MIA3: variants seen among roughly 807,000 people sequenced by gnomAD.
The protein encoded by MIA3 is transport and Golgi organization protein 1 homolog.
Under a neutral mutation model 192.4 loss-of-function variants are expected in MIA3, and 90 were observed. That is an observed-to-expected ratio of 0.47 (90% CI 0.39 to 0.56). The LOEUF is 0.56. Among genes scored for constraint, MIA3 ranks in the 20% least tolerant of loss-of-function variants. The pLI, the probability that MIA3 is intolerant of heterozygous loss-of-function variation, is 0.00. For missense variants in MIA3, 2,123 were observed against 2,269.4 expected (o/e 0.94, Z 1.31); for synonymous variants, 740 against 792.8 (o/e 0.93, Z 1.12).
chr1:222,650,092 G>C, intron 8 of MIA3, 200 bp from the exon 9 acceptor site: 1 of 570,044 alleles, frequency 1.8e-6, no homozygotes, highest in African/African-American at 1.9e-5. Context: ...GGCCCCACCT[G>C]AACACTGGGT....
intron 6 of MIA3, among the ~76,000 whole-genome samples, chr1:222,640,080 T>G (rs1352291679): frequency 2.0e-5 from 3 of 152,114 alleles, no homozygotes; most frequent in Non-Finnish European, 4.4e-5. Context: ...GAAGTTAAAT[T>G]CCATGTACAA....
intron 11 of MIA3, among the ~76,000 whole-genome samples, chr1:222,651,150 A>T (rs1663410147): frequency 6.6e-6 from 1 of 151,514 alleles, no homozygotes; most frequent in Non-Finnish European, 1.5e-5. Flanking sequence ...GCCCTCCGAA[A>T]CATGTGGAAC....
intron 6 of MIA3, among the ~76,000 whole-genome samples, chr1:222,643,442 A>G (rs917265046): frequency 2.6e-5 from 4 of 151,692 alleles, no homozygotes; most frequent in Non-Finnish European, 5.9e-5. Flanking sequence ...CACACCCTTC[A>G]CTGCTCTTCT....
chr1:222,647,990 G>A, intron 7 of MIA3: 1 of 333,156 alleles, frequency 3.0e-6, no homozygotes, highest in Non-Finnish European at 6.4e-6. Flanking sequence ...TGGATGATTT[G>A]TGGACTGGTG....
intron 27 of MIA3, 78 bp from the exon 28 acceptor site, chr1:222,665,231 A>G (rs1008194648): frequency 9.5e-6 from 8 of 843,798 alleles, no homozygotes; most frequent in African/African-American, 5.2e-5. Flanking sequence ...AGGATGACAG[A>G]CTATATTAAC....
chr1:222,662,437 C>T (rs1350399677), intron 26 of MIA3, 105 bp downstream of exon 26: 5 of 1,569,908 alleles, frequency 3.2e-6, no homozygotes, highest in Non-Finnish European at 4.3e-6. Context: ...TCTGTACTAT[C>T]TCATTTATTT....
At position 222,665,570 on chromosome 1, in the gene MIA3, C is replaced by G. The variant is rs368420789; in HGVS notation, c.5675C>G (p.Ser1892Cys). 16 of 1,613,852 alleles carry G rather than the reference C, an allele frequency of 9.9e-6. No homozygotes were observed. The highest frequency in any genetic ancestry group is 2.7e-5 in the African/African-American group (2 of 74,914). Reference protein sequence around the residue: ...SGSRDEPPPASQSTSQDCSQA... With the variant: ...SGSRDEPPPACQSTSQDCSQA... The stretch of plus-strand genomic sequence containing the variant: ...TCTAGAGATGAGCCTCCACCTGCCT[C>G]TCAGAGCACTAGCCAGGACTGTTCA... Residue 1892 changes from serine to cysteine, a missense_variant, in exon 28 of 28, where the codon TCT (serine) becomes TGT (cysteine). Coordinates refer to ENST00000344922, the MANE Select transcript of MIA3 (RefSeq NM_198551.4).
Position 222,662,131 on chromosome 1 carries a change from G to A in MIA3, c.5182+7G>A. ...GGGAAACCCTCTCCTTCTGGTAAGG[G>A]AGCAAGAGTGTTCAAAGAGTCTAAA... is the stretch of plus-strand genomic sequence containing the variant. On this transcript the variant is annotated splice_region_variant and intron_variant, in intron 25 of 27. Coordinates refer to ENST00000344922, the MANE Select transcript of MIA3 (RefSeq NM_198551.4). The A allele has an allele frequency of 6.2e-7, 1 of 1,613,806 alleles. No homozygotes were observed. The highest frequency in any genetic ancestry group is 8.5e-7 in the Non-Finnish European group (1 of 1,179,740).
rs374886945 is a variant in MIA3 at position 222,628,199 on chromosome 1, G to A, written c.979G>A (p.Glu327Lys). ...TGAGGAGAACCAAGAAGACTTTGAT[G>A]AGTTGCCATTACTTACCTTTACAGA... ...EDEENQEDFD[E>K]LPLLTFTDGE... The change falls in exon 4 of 28, where the codon GAG (glutamate) becomes AAG (lysine). Residue 327 changes from glutamate to lysine, a missense_variant. This residue lies in a region of MIA3 where 1,357 missense variants were observed against 1,396.1 expected (regional missense o/e 0.97). Transcript: ENST00000344922. 8 of 1,613,946 alleles carry A rather than the reference G, an allele frequency of 5.0e-6. No homozygotes were observed. In the African/African-American group the frequency reaches 8.0e-5, roughly 16 times the overall value.
chr1:222,620,692 T>TTG (rs1661815351), intron 1 of MIA3, among the ~76,000 whole-genome samples: 1 of 152,258 alleles, frequency 6.6e-6, no homozygotes, highest in African/African-American at 2.4e-5. Context: ...AATTGACCTC[T>TTG]TGGGGGTTCC....
chr1:222,621,194 A>G lies in MIA3; in HGVS notation c.169A>G (p.Thr57Ala). 1 of 1,613,502 alleles carries G rather than the reference A, an allele frequency of 6.2e-7. No homozygotes were observed. The highest frequency in any genetic ancestry group is 8.5e-7 in the Non-Finnish European group (1 of 1,179,768). ...MYRGEALEDF[T>A]GPDCRFVNFK... ...CCGCGGTGAGGCTCTTGAAGATTTC[A>G]CAGGCCCGGATTGTCGTTTTGTGAA... Residue 57 changes from threonine (T) to alanine (A), a missense_variant, in exon 2 of 28, where the codon ACA becomes GCA. Coordinates refer to ENST00000344922, the MANE Select transcript of MIA3 (RefSeq NM_198551.4).
At chr1:222,649,441 T>G (rs1219267763) in intron 8 of MIA3, 1 of 152,402 alleles carries the variant, frequency 6.6e-6, no homozygotes, top group Admixed American at 6.5e-5. Context: ...GCAGATTGCT[T>G]TTTGTATTAA....
intron 6 of MIA3, chr1:222,644,407 G>C: frequency 1.3e-6 from 2 of 1,541,590 alleles, no homozygotes; most frequent in South Asian, 1.2e-5. Flanking sequence ...GGAGGAGGAA[G>C]CTCTGAAAAA....
rs1449786598 is a variant in MIA3, at chr1:222,618,494, A to T, written c.133+251A>T. ...CCTGACCATGGGGGCTGCACCTCCC[A>T]CTTGTTGCCAGCGTTTTATTTTTCC... On this transcript the variant is annotated intron_variant, in intron 1 of 27. Coordinates refer to ENST00000344922, the MANE Select transcript of MIA3 (RefSeq NM_198551.4). 2.0e-5 allele frequency among the ~76,000 whole-genome samples: 3 copies of T among 152,234 alleles called. No homozygotes were observed. In the East Asian group the frequency reaches 5.8e-4, roughly 30 times the overall value.
chr1:222,628,900 G>A lies in MIA3; in HGVS notation c.1680G>A (p.Gln560=), dbSNP rs770136338. The change falls in exon 4 of 28, where the codon CAG becomes CAA. Residue 560 remains glutamine (Q), a synonymous_variant. Coordinates refer to ENST00000344922, the MANE Select transcript of MIA3 (RefSeq NM_198551.4). ...GTGGCTCAGAGAGTGAATCTGCACA[G>A]AAAGCTGCAGGGAATCAAATGAATG... ...LEGGSESESA[Q]KAAGNQMNDR... The A allele has an allele frequency of 6.4e-5, 103 of 1,614,052 alleles. 1 individual carries two copies. The South Asian group carries it at 1.1e-3, about 17-fold the overall frequency.
chr1:222,623,181 C>A (rs572696939), intron 2 of MIA3, among the ~76,000 whole-genome samples: 1 of 152,232 alleles, frequency 6.6e-6, no homozygotes, highest in South Asian at 2.1e-4. Flanking sequence ...TCCTACCCCC[C>A]GCCCAAATGA....
Position 222,650,380 on chromosome 1 carries a change from G to A in MIA3, c.3720G>A (p.Lys1240=), listed in dbSNP as rs538519112. The A allele has an allele frequency of 1.3e-6, 2 of 1,497,100 alleles. No homozygotes were observed. Among genetic ancestry groups the A allele is most frequent in the African/African-American group, 1.4e-5 (1 of 70,320 alleles). The allele number at this position is 1,497,100 out of a possible 1,614,324, so 92.7% of individuals were successfully genotyped here. ...LVQKLSNYEQ[K]IKESKKHVQE... is the part of the protein sequence containing the mutation. ...AAAAATTGTCAAATTATGAACAGAA[G>A]GTATGATTATTCTTTGTTTTTTTTT... Residue 1240 remains lysine (K), a splice_region_variant and synonymous_variant, in exon 9 of 28, where the codon AAG becomes AAA. Coordinates refer to ENST00000344922, the MANE Select transcript of MIA3 (RefSeq NM_198551.4).
At position 222,650,780 on chromosome 1, in the gene MIA3, ATCT is replaced by A; in HGVS notation, c.3799-11_3799-9del. ...AGTAATGAGTATAACTAACCTTAATATCTTTTTTGTAGGATAAAATCAAGACAC... is the reference window on the plus strand; with the variant it reads ...AGTAATGAGTATAACTAACCTTAATATTTTTGTAGGATAAAATCAAGACAC... On this transcript the variant is annotated splice_polypyrimidine_tract_variant and intron_variant, in intron 10 of 27. Transcript: ENST00000344922. 2 of 1,586,728 alleles carry A rather than the reference ATCT, an allele frequency of 1.3e-6. No individual in the cohort carries two copies. Among genetic ancestry groups the A allele is most frequent in the Non-Finnish European group, 1.7e-6 (2 of 1,161,454 alleles).
intron 6 of MIA3, among the ~76,000 whole-genome samples, chr1:222,637,639 C>T (rs1460112693): frequency 6.7e-6 from 1 of 150,188 alleles, no homozygotes; most frequent in Non-Finnish European, 1.5e-5. Context: ...ATTATGCTGT[C>T]ATGGATTTAA....
Sources: allele counts gnomAD v4.1 joint callset (sites outside exome capture counted in the v4.1 genomes callset), GRCh38; gene constraint gnomAD v4.1.1; regional missense constraint gnomAD v4.1.1; transcripts MANE v1.5; gene names NCBI Gene and HGNC (gene_info 2026-07-23, HGNC 2026-07-21).